Variants in ROBO2 observed in about 807,000 individuals in gnomAD.
ROBO2 encodes the protein roundabout guidance receptor 2.
In ROBO2, 53 loss-of-function variants were observed where a neutral mutation model predicts 160.8. That is an observed-to-expected ratio of 0.33 (90% CI 0.26 to 0.41). ROBO2 has a LOEUF of 0.41. Ranked by LOEUF, ROBO2 falls within the 10% of genes least tolerant of loss-of-function variation. The probability of loss-of-function intolerance (pLI) is 1.00; values close to 1 mark genes in which losing one functional copy is unlikely to be tolerated. For synonymous variants in ROBO2, 664 were observed against 611.7 expected (o/e 1.09, Z -1.26); for missense variants, 1,577 against 1,722.4 (o/e 0.92, Z 1.49).
intron 2 of ROBO2, among the ~76,000 whole-genome samples, chr3:76,558,903 A>G (rs1050382199): frequency 2.0e-5 from 3 of 152,194 alleles, no homozygotes; most frequent in Non-Finnish European, 2.9e-5. Flanking sequence ...GCTCACTTCA[A>G]TAAACATTTA....
At chr3:76,087,338 T>C (rs2069054283) in intron 2 of ROBO2, among the ~76,000 whole-genome samples, 1 of 152,072 alleles carries the variant, frequency 6.6e-6, no homozygotes, top group Non-Finnish European at 1.5e-5. Flanking sequence ...TCAGAAGCTA[T>C]GCAAGCAAGA....
intron 23 of ROBO2, chr3:77,634,282 C>T (rs2095225639): frequency 1.3e-5 from 2 of 159,586 alleles, no homozygotes; most frequent in South Asian, 1.8e-4. Flanking sequence ...CTATCCTCTA[C>T]ACAGATGTTG....
chr3:77,354,851 G>C (rs549506815), intron 2 of ROBO2, among the ~76,000 whole-genome samples: 1 of 152,206 alleles, frequency 6.6e-6, no homozygotes, highest in Non-Finnish European at 1.5e-5. Flanking sequence ...AAGTTGAGAA[G>C]TAGACAGGCC....
intron 2 of ROBO2, among the ~76,000 whole-genome samples, chr3:77,146,004 A>G (rs2077090512): frequency 1.3e-5 from 2 of 152,030 alleles, no homozygotes. Context: ...TCATCTGAAA[A>G]TTTCCTTCCT....
At chr3:76,101,234 T>A (rs1285873794) in intron 2 of ROBO2, among the ~76,000 whole-genome samples, 2 of 152,152 alleles carry the variant, frequency 1.3e-5, no homozygotes, top group East Asian at 1.9e-4. Context: ...ACATTGGATA[T>A]AGGTATAATG....
chr3:76,152,486 A>G (rs757432261), intron 2 of ROBO2, among the ~76,000 whole-genome samples: 3 of 152,158 alleles, frequency 2.0e-5, no homozygotes, highest in Non-Finnish European at 4.4e-5. Context: ...GTGAGTATAC[A>G]TTTATTTAAT....
intron 8 of ROBO2, among the ~76,000 whole-genome samples, chr3:77,552,477 A>G (rs530394726): frequency 6.6e-6 from 1 of 152,170 alleles, no homozygotes; most frequent in East Asian, 1.9e-4. Flanking sequence ...TACGTCTGAT[A>G]CAATTAATGG....
At chr3:77,598,706 T>A (rs1583196272) in intron 19 of ROBO2, among the ~76,000 whole-genome samples, 1 of 151,916 alleles carries the variant, frequency 6.6e-6, no homozygotes, top group African/African-American at 2.4e-5. Flanking sequence ...CTTCCTCCCC[T>A]AAGTGACCCG....
intron 2 of ROBO2, among the ~76,000 whole-genome samples, chr3:77,222,919 C>T (rs2151212364): frequency 6.6e-6 from 1 of 152,280 alleles, no homozygotes; most frequent in African/African-American, 2.4e-5. Flanking sequence ...GCTTTCTTCC[C>T]TCTTTAAATA....
chr3:76,341,593 G>A (rs962690370), intron 2 of ROBO2, among the ~76,000 whole-genome samples: 1 of 151,656 alleles, frequency 6.6e-6, no homozygotes, highest in Admixed American at 6.6e-5. Flanking sequence ...GATTTGAGAA[G>A]AGAGAAAATG....
At chr3:77,355,580 A>T (rs990959692) in intron 2 of ROBO2, among the ~76,000 whole-genome samples, 6 of 152,170 alleles carry the variant, frequency 3.9e-5, no homozygotes, top group African/African-American at 1.4e-4. Flanking sequence ...CTTATCTATC[A>T]TGAGTGCTAG....
chr3:77,486,470 A>G (rs2085366054), intron 4 of ROBO2, among the ~76,000 whole-genome samples: 1 of 152,186 alleles, frequency 6.6e-6, no homozygotes, highest in Admixed American at 6.5e-5. Flanking sequence ...GACTGGCATG[A>G]GATGGTATCT....
At chr3:77,408,797 T>C (rs1340377130) in intron 2 of ROBO2, among the ~76,000 whole-genome samples, 2 of 152,168 alleles carry the variant, frequency 1.3e-5, no homozygotes, top group East Asian at 3.8e-4. Context: ...GATAGCTGGC[T>C]GCAGCCTCCC....
intron 2 of ROBO2, among the ~76,000 whole-genome samples, chr3:76,759,127 TAGA>T (rs1462709056): frequency 6.6e-6 from 1 of 151,854 alleles, no homozygotes; most frequent in Non-Finnish European, 1.5e-5. Context: ...AAACTTAAAT[TAGA>T]AGTCATATTT....
intron 2 of ROBO2, among the ~76,000 whole-genome samples, chr3:76,294,432 G>T (rs920418278): frequency 2.6e-4 from 40 of 152,254 alleles, no homozygotes; most frequent in African/African-American, 9.6e-4. Context: ...TAATAGAGCA[G>T]CTTAAAGAGA....
At chr3:77,229,239 A>C (rs2086862202) in intron 2 of ROBO2, among the ~76,000 whole-genome samples, 1 of 152,266 alleles carries the variant, frequency 6.6e-6, no homozygotes, top group Non-Finnish European at 1.5e-5. Context: ...TTCTCTCTTC[A>C]GAAACATCCC....
At chr3:76,074,429 A>G (rs571237222) in intron 2 of ROBO2, among the ~76,000 whole-genome samples, 67 of 152,360 alleles carry the variant, frequency 4.4e-4, no homozygotes, top group African/African-American at 1.4e-3. Flanking sequence ...ATATTCAGCC[A>G]GACGACCAAC....
At chr3:76,970,315 C>T (rs993470746) in intron 2 of ROBO2, among the ~76,000 whole-genome samples, 3 of 152,084 alleles carry the variant, frequency 2.0e-5, no homozygotes, top group Admixed American at 1.3e-4. Context: ...ACTGTATGAC[C>T]ACAGCTTATT....
intron 2 of ROBO2, among the ~76,000 whole-genome samples, chr3:76,664,588 T>G (rs2091952201): frequency 6.6e-6 from 1 of 152,186 alleles, no homozygotes; most frequent in Non-Finnish European, 1.5e-5. Flanking sequence ...GTTATGCGTT[T>G]GGAAAACGCT....
Sources: allele counts gnomAD v4.1 joint callset (sites outside exome capture counted in the v4.1 genomes callset), GRCh38; gene constraint gnomAD v4.1.1; transcripts MANE v1.5; gene names NCBI Gene and HGNC (gene_info 2026-07-23, HGNC 2026-07-21).